The following FAM13A variants were observed in gnomAD, a reference collection of about 807,000 sequenced individuals.
The protein encoded by FAM13A is protein FAM13A.
FAM13A carries 76 observed loss-of-function variants against 129.6 expected under a neutral mutation model. The ratio of observed to expected loss-of-function variants is 0.59; its 90% CI spans 0.49 to 0.71. FAM13A has a LOEUF of 0.71. FAM13A is among the 30% of genes least tolerant of loss of function. FAM13A has a pLI of 0.00. For synonymous variants in FAM13A, 443 were observed against 449.9 expected (o/e 0.98, Z 0.20); for missense variants, 1,108 against 1,249.3 (o/e 0.89, Z 1.70).
intron 3 of FAM13A, among the ~76,000 whole-genome samples, chr4:88,995,164 A>C (rs531838739): frequency 6.9e-6 from 1 of 145,326 alleles, no homozygotes; most frequent in African/African-American, 2.8e-5. Context: ...ACAAATATAC[A>C]AACAGTATAT....
chr4:88,796,537 TTATATG>T (rs1292778047), intron 8 of FAM13A, among the ~76,000 whole-genome samples: 3 of 151,976 alleles, frequency 2.0e-5, no homozygotes, highest in Non-Finnish European at 2.9e-5. Flanking sequence ...GGACATATAG[TTATATG>T]TATAAGTCCT....
At chr4:88,734,673 C>T (rs562645394) in intron 21 of FAM13A, among the ~76,000 whole-genome samples, 9 of 152,264 alleles carry the variant, frequency 5.9e-5, no homozygotes, top group Admixed American at 5.2e-4. Flanking sequence ...TTGGCTGTCA[C>T]GACTGGTGAA....
At chr4:88,950,944 C>A (rs1281452466) in intron 4 of FAM13A, among the ~76,000 whole-genome samples, 12 of 152,108 alleles carry the variant, frequency 7.9e-5, no homozygotes, top group Non-Finnish European at 1.6e-4. Context: ...TTCAGAGAAC[C>A]TGCATTAGAT....
chr4:88,963,089 C>A (rs1241987647), intron 4 of FAM13A, among the ~76,000 whole-genome samples: 1 of 151,700 alleles, frequency 6.6e-6, no homozygotes, highest in Non-Finnish European at 1.5e-5. Context: ...TAATTATTTA[C>A]AAGAAGCAAG....
intron 19 of FAM13A, among the ~76,000 whole-genome samples, chr4:88,741,431 T>C (rs1740229045): frequency 6.6e-6 from 1 of 152,138 alleles, no homozygotes; most frequent in Non-Finnish European, 1.5e-5. Context: ...AGGTCAAAAA[T>C]AAGAAAAATC....
chr4:89,015,112 G>A (rs916415330), intron 3 of FAM13A, among the ~76,000 whole-genome samples: 5 of 152,080 alleles, frequency 3.3e-5, no homozygotes, highest in Non-Finnish European at 5.9e-5. Context: ...CTCCTGTAGC[G>A]CTCCCAGGCC....
intron 6 of FAM13A, among the ~76,000 whole-genome samples, chr4:88,857,628 C>CAAAAAA (rs1177788248): frequency 1.7e-5 from 1 of 58,572 alleles, no homozygotes; most frequent in African/African-American, 6.4e-5. Context: ...GATTCTGCCT[C>CAAAAAA]AAAAAAAAAA....
intron 1 of FAM13A, among the ~76,000 whole-genome samples, chr4:89,030,829 G>A (rs1048840046): frequency 6.6e-6 from 1 of 152,092 alleles, no homozygotes. Context: ...TGTGACATAA[G>A]ACAATTACAA....
chr4:88,934,021 C>G (rs920076600), intron 5 of FAM13A, among the ~76,000 whole-genome samples: 6 of 152,256 alleles, frequency 3.9e-5, no homozygotes, highest in Non-Finnish European at 7.4e-5. Context: ...AACTGCTCAT[C>G]AGACCAGGTA....
At chr4:88,763,619 A>G (rs574037235) in intron 13 of FAM13A, among the ~76,000 whole-genome samples, 1 of 152,286 alleles carries the variant, frequency 6.6e-6, no homozygotes, top group South Asian at 2.1e-4. Flanking sequence ...TTTATTTGAT[A>G]CTGCTCTTTC....
intron 6 of FAM13A, among the ~76,000 whole-genome samples, chr4:88,883,826 T>C: frequency 2.5e-5 from 1 of 39,480 alleles, no homozygotes; most frequent in South Asian, 9.2e-4. Context: ...AAACGAGAGG[T>C]ATTACAATTG....
intron 11 of FAM13A, among the ~76,000 whole-genome samples, chr4:88,779,588 C>T (rs1722462356): frequency 6.6e-6 from 1 of 152,152 alleles, no homozygotes; most frequent in Non-Finnish European, 1.5e-5. Flanking sequence ...ACACGGTCCA[C>T]TGAGTTCATA....
At chr4:88,858,759 G>C (rs954412794) in intron 6 of FAM13A, among the ~76,000 whole-genome samples, 1 of 152,162 alleles carries the variant, frequency 6.6e-6, no homozygotes, top group Non-Finnish European at 1.5e-5. Context: ...CTGCAAATGG[G>C]TATGGGGTTT....
chr4:88,892,843 T>G (rs1385874065), intron 6 of FAM13A, among the ~76,000 whole-genome samples: 1 of 152,196 alleles, frequency 6.6e-6, no homozygotes, highest in African/African-American at 2.4e-5. Flanking sequence ...CATTATTTTT[T>G]GCTGATATTA....
chr4:88,837,718 CAAA>C (rs34184242), intron 7 of FAM13A, among the ~76,000 whole-genome samples: 7 of 71,552 alleles, frequency 9.8e-5, no homozygotes, highest in African/African-American at 2.0e-4. Context: ...AACTCCGTCT[CAAA>C]AAAAAAAAAA....
chr4:89,045,903 A>G (rs1770781925), intron 1 of FAM13A, among the ~76,000 whole-genome samples: 4 of 152,004 alleles, frequency 2.6e-5, no homozygotes, highest in Admixed American at 1.3e-4. Context: ...GCATGCCTGT[A>G]ATCCCAGCTA....
At chr4:88,771,439 T>C (rs537629470) in intron 11 of FAM13A, among the ~76,000 whole-genome samples, 9 of 152,296 alleles carry the variant, frequency 5.9e-5, no homozygotes, top group Admixed American at 2.0e-4. Flanking sequence ...TAGGTGCTAA[T>C]AGTACTTGTC....
In FAM13A at chr4:88,746,946, T is replaced by C. The variant is rs776429290; in HGVS notation, c.2452A>G (p.Ile818Val). The C allele has an allele frequency of 6.2e-7, 1 of 1,612,530 alleles. No individual in the cohort carries two copies. Among genetic ancestry groups the C allele is most frequent in the Non-Finnish European group, 8.5e-7 (1 of 1,178,512 alleles). ...LQKALLYYES[I>V]HGRPVTKNER... The stretch of plus-strand genomic sequence containing the variant: ...ACATCACATACCGGCCGTCCATGAA[T>C]GCTTTCATAATATAACAGAGCTTTC... Residue 818 changes from isoleucine (I) to valine (V), a missense_variant, in exon 19 of 24, where the codon ATT becomes GTT. Physicochemically the swap from Ile to Val is conservative, Grantham distance 29 (BLOSUM62 3). Coordinates refer to ENST00000264344, the MANE Select transcript of FAM13A (RefSeq NM_014883.4).
intron 10 of FAM13A, among the ~76,000 whole-genome samples, chr4:88,783,637 G>A (rs995166751): frequency 1.5e-4 from 23 of 152,032 alleles, no homozygotes; most frequent in Non-Finnish European, 2.9e-5. Flanking sequence ...TAGTATGGAC[G>A]GATTTATGTA....
Sources: gnomAD v4.1 joint callset for allele counts (sites outside exome capture counted in the v4.1 genomes callset) on GRCh38, gnomAD v4.1.1 for gene constraint, MANE v1.5 for transcripts, NCBI Gene and HGNC (gene_info 2026-07-23, HGNC 2026-07-21) for gene names.